MARCHF1: variants seen among roughly 807,000 people sequenced by gnomAD.
The protein encoded by MARCHF1 is membrane associated ring-CH-type finger 1, also known as E3 ubiquitin-protein ligase MARCHF1.
A neutral mutation model predicts 54.2 loss-of-function variants in MARCHF1; 40 were observed. The observed-to-expected ratio is 0.74, with a 90% CI of 0.57 to 0.96. MARCHF1 has a LOEUF of 0.96. Among genes scored for constraint, MARCHF1 ranks in the 40% least tolerant of loss-of-function variants. The pLI, the probability that MARCHF1 is intolerant of heterozygous loss-of-function variation, is 0.00. For missense variants in MARCHF1, 586 were observed against 656.5 expected (o/e 0.89, Z 1.17); for synonymous variants, 236 against 236.3 (o/e 1.00, Z 0.01).
At chr4:164,014,373 G>A (rs895800469) in intron 2 of MARCHF1, among the ~76,000 whole-genome samples, 4 of 151,836 alleles carry the variant, frequency 2.6e-5, no homozygotes, top group African/African-American at 9.7e-5. Context: ...AAGCCTTATG[G>A]TAACCATAAA....
intron 5 of MARCHF1, among the ~76,000 whole-genome samples, chr4:163,696,486 A>G (rs1361845158): frequency 6.6e-6 from 1 of 152,158 alleles, no homozygotes; most frequent in East Asian, 1.9e-4. Context: ...ACTGCTGTTG[A>G]GCACCAAGAC....
chr4:164,014,540 T>C (rs190422610), intron 2 of MARCHF1, among the ~76,000 whole-genome samples: 4 of 152,276 alleles, frequency 2.6e-5, no homozygotes, highest in Non-Finnish European at 5.9e-5. Flanking sequence ...AGAAAGTCTT[T>C]ACCTATCAGT....
intron 2 of MARCHF1, among the ~76,000 whole-genome samples, chr4:164,005,064 G>T (rs1234223057): frequency 3.3e-5 from 5 of 151,602 alleles, no homozygotes; most frequent in African/African-American, 1.2e-4. Flanking sequence ...TCTTTGAAAA[G>T]ATAAATAAAT....
intron 1 of MARCHF1, among the ~76,000 whole-genome samples, chr4:164,361,163 C>G (rs4129776): frequency 0.51 from 77,929 of 151,574 alleles, 20,936 homozygotes; most frequent in East Asian, 0.65. Flanking sequence ...AATCCCGACT[C>G]TACTCTTTTC....
intron 1 of MARCHF1, among the ~76,000 whole-genome samples, chr4:164,337,400 G>A (rs545852098): frequency 1.3e-5 from 2 of 152,342 alleles, no homozygotes; most frequent in African/African-American, 2.4e-5. Flanking sequence ...CCTCCCCTGG[G>A]CTCTGCCCAC....
At chr4:163,546,274 G>T (rs974219019) in intron 8 of MARCHF1, among the ~76,000 whole-genome samples, 1 of 152,016 alleles carries the variant, frequency 6.6e-6, no homozygotes, top group African/African-American at 2.4e-5. Context: ...CCCTGTGCCC[G>T]GCCTAACTCA....
chr4:163,682,488 G>A (rs751560838), intron 5 of MARCHF1, among the ~76,000 whole-genome samples: 11 of 152,262 alleles, frequency 7.2e-5, no homozygotes, highest in Middle Eastern at 3.4e-3. Context: ...GTTTAGTGCC[G>A]CGGGCCCAGG....
At chr4:164,203,388 G>A (rs1159161847) in intron 1 of MARCHF1, among the ~76,000 whole-genome samples, 2 of 152,030 alleles carry the variant, frequency 1.3e-5, no homozygotes, top group Non-Finnish European at 2.9e-5. Flanking sequence ...TTGGTAAATC[G>A]AAAATCTAAT....
chr4:164,221,810 A>G (rs558378573), intron 1 of MARCHF1, among the ~76,000 whole-genome samples: 1 of 152,122 alleles, frequency 6.6e-6, no homozygotes, highest in South Asian at 2.1e-4. Flanking sequence ...TAGCCAGCTG[A>G]CTGGTTACAT....
At chr4:163,540,371 G>C (rs1477685034) in intron 9 of MARCHF1, among the ~76,000 whole-genome samples, 1 of 152,202 alleles carries the variant, frequency 6.6e-6, no homozygotes, top group Non-Finnish European at 1.5e-5. Context: ...TGTGTATAAG[G>C]AAGGGTGTGT....
At chr4:164,222,879 C>G (rs1345249529) in intron 1 of MARCHF1, among the ~76,000 whole-genome samples, 1 of 151,916 alleles carries the variant, frequency 6.6e-6, no homozygotes, top group East Asian at 1.9e-4. Context: ...TAAAGACATA[C>G]CCAAGACTGG....
intron 3 of MARCHF1, among the ~76,000 whole-genome samples, chr4:163,860,595 G>T (rs1374421964): frequency 6.6e-6 from 1 of 152,156 alleles, no homozygotes; most frequent in Non-Finnish European, 1.5e-5. Flanking sequence ...CCACAGCCGA[G>T]AAATACAGGC....
intron 5 of MARCHF1, among the ~76,000 whole-genome samples, chr4:163,699,295 G>A (rs1744731240): frequency 6.6e-6 from 1 of 151,856 alleles, no homozygotes; most frequent in Non-Finnish European, 1.5e-5. Context: ...TAGTATAGTG[G>A]ATGGTGTTGC....
chr4:163,626,188 T>A (rs1317078018), intron 5 of MARCHF1, among the ~76,000 whole-genome samples: 1 of 152,254 alleles, frequency 6.6e-6, no homozygotes, highest in South Asian at 2.1e-4. Flanking sequence ...ATCAGCAGTA[T>A]AATTAAAGGC....
At chr4:163,893,109 G>C (rs1008510286) in intron 3 of MARCHF1, among the ~76,000 whole-genome samples, 1 of 149,740 alleles carries the variant, frequency 6.7e-6, no homozygotes, top group African/African-American at 2.5e-5. Flanking sequence ...ACCTCCTTCC[G>C]CTCCAGAGGG....
rs9993713 is a variant in MARCHF1, at chr4:163,920,937, A to C, written c.-38-66768T>G. 1.9e-3 allele frequency among the ~76,000 whole-genome samples: 289 copies of C among 152,334 alleles called. 3 individuals are homozygous for C. The highest frequency in any genetic ancestry group is 6.9e-3 in the African/African-American group (287 of 41,584). The stretch of plus-strand genomic sequence containing the variant: ...GAAAAAAGTAAAAAGCATTCAAGCA[A>C]AAGATTGTAGCCAAACTGGCTACAA... On this transcript the variant is annotated intron_variant, in intron 3 of 9. Coordinates refer to ENST00000514618, the MANE Select transcript of MARCHF1 (RefSeq NM_001394959.1).
chr4:163,972,577 T>C (rs549772651), intron 3 of MARCHF1, among the ~76,000 whole-genome samples: 9 of 152,276 alleles, frequency 5.9e-5, no homozygotes, highest in Non-Finnish European at 1.2e-4. Context: ...GATGGAGTCT[T>C]GCTCAGCCGC....
intron 2 of MARCHF1, among the ~76,000 whole-genome samples, chr4:164,080,814 C>CT (rs960036328): frequency 8.6e-5 from 13 of 151,988 alleles, no homozygotes; most frequent in African/African-American, 2.7e-4. Flanking sequence ...TCTCAAGTTA[C>CT]TTTCAGGGGG....
chr4:164,144,983 A>T (rs1481345731), intron 1 of MARCHF1, among the ~76,000 whole-genome samples: 1 of 134,114 alleles, frequency 7.5e-6, no homozygotes, highest in Admixed American at 7.8e-5. Context: ...AAAATGATAA[A>T]GGGGATATCA....
Sources: gnomAD v4.1 joint callset for allele counts (sites outside exome capture counted in the v4.1 genomes callset) on GRCh38, gnomAD v4.1.1 for gene constraint, MANE v1.5 for transcripts, NCBI Gene and HGNC (gene_info 2026-07-23, HGNC 2026-07-21) for gene names.